Variants in NME7 observed in about 807,000 individuals in gnomAD.
NME7 encodes the protein NME/NM23 family member 7.
In NME7, 41 loss-of-function variants were observed where a neutral mutation model predicts 49.1. The ratio of observed to expected loss-of-function variants is 0.83; its 90% confidence interval spans 0.65 to 1.08. NME7 has a LOEUF of 1.08. Among genes scored for constraint, NME7 ranks in the 50% least tolerant of loss-of-function variants. The probability of loss-of-function intolerance (pLI) is 0.00; values close to 1 mark genes in which losing one functional copy is unlikely to be tolerated. For synonymous variants in NME7, 139 were observed against 150.6 expected (o/e 0.92, Z 0.56); for missense variants, 423 against 463.4 (o/e 0.91, Z 0.80).
At chr1:169,244,552 C>A (rs976218356) in intron 7 of NME7, among the ~76,000 whole-genome samples, 1 of 146,934 alleles carries the variant, frequency 6.8e-6, no homozygotes, top group African/African-American at 2.5e-5. Flanking sequence ...AGGAGGATGG[C>A]GTGAACCTGG....
chr1:169,160,444 A>T (rs12744655), intron 11 of NME7, among the ~76,000 whole-genome samples: 55,731 of 151,800 alleles, frequency 0.37, 10,834 homozygotes, highest in East Asian at 0.73. Context: ...AACTTTGTCT[A>T]CTATCTCTTA....
intron 10 of NME7, among the ~76,000 whole-genome samples, chr1:169,226,873 T>C (rs569788894): frequency 6.6e-6 from 1 of 152,214 alleles, no homozygotes; most frequent in South Asian, 2.1e-4. Flanking sequence ...CTTTCTATAA[T>C]GCTATGAGGA....
At chr1:169,272,738 C>A (rs1488195637) in intron 7 of NME7, among the ~76,000 whole-genome samples, 4 of 131,300 alleles carry the variant, frequency 3.0e-5, no homozygotes, top group African/African-American at 1.0e-4. Flanking sequence ...CTATTGTGAA[C>A]CGTGCTGCAA....
intron 1 of NME7, among the ~76,000 whole-genome samples, chr1:169,362,841 T>G (rs1653708937): frequency 6.6e-6 from 1 of 152,222 alleles, no homozygotes; most frequent in Non-Finnish European, 1.5e-5. Context: ...TAGGCTTTCG[T>G]TAATTCAAAG....
intron 7 of NME7, among the ~76,000 whole-genome samples, chr1:169,255,240 G>C (rs1238283914): frequency 2.9e-5 from 4 of 138,350 alleles, no homozygotes; most frequent in African/African-American, 1.0e-4. Flanking sequence ...TTATGAATCT[G>C]GGTGCTCCTG....
chr1:169,310,352 A>G (rs1187523560), intron 3 of NME7, among the ~76,000 whole-genome samples: 3 of 152,176 alleles, frequency 2.0e-5, no homozygotes, highest in Admixed American at 6.5e-5. Context: ...ATATATCCAA[A>G]TGAGAAAACA....
At chr1:169,303,703 C>T (rs1390192542) in intron 4 of NME7, among the ~76,000 whole-genome samples, 1 of 152,088 alleles carries the variant, frequency 6.6e-6, no homozygotes, top group Non-Finnish European at 1.5e-5. Flanking sequence ...CCACCCACCT[C>T]GGCCTCTCAA....
intron 1 of NME7, among the ~76,000 whole-genome samples, chr1:169,327,091 C>T (rs1365207389): frequency 6.6e-6 from 1 of 152,178 alleles, no homozygotes; most frequent in East Asian, 1.9e-4. Flanking sequence ...AACTACATTT[C>T]CTATGACTCA....
In NME7 at chr1:169,230,652, T is replaced by G. The variant is rs1647571953; in HGVS notation, c.990+66A>C. 4 of 1,082,436 alleles carry G rather than the reference T, an allele frequency of 3.7e-6. No individual in the cohort carries two copies. In the African/African-American group the frequency reaches 6.4e-5, roughly 17 times the overall value. The allele number at this position is 1,082,436 out of a possible 1,614,324, so 67.1% of individuals were successfully genotyped here. A position where few individuals can be genotyped will look rare whatever the true frequency, so the allele number is the denominator to read the frequency against. ...TTTACTTAAAGGAACAAACGAAAAA[T>G]TTTAAACCTGTTAAAATAGTGAATA... On this transcript the variant is annotated intron_variant, in intron 10 of 11. Coordinates refer to ENST00000367811, the MANE Select transcript of NME7 (RefSeq NM_013330.5).
chr1:169,225,578 A>C (rs1647298605), intron 10 of NME7, among the ~76,000 whole-genome samples: 1 of 152,218 alleles, frequency 6.6e-6, no homozygotes, highest in Non-Finnish European at 1.5e-5. Context: ...AGATATTTTA[A>C]ATAAATTATA....
chr1:169,298,975 A>G (rs1307307245), intron 5 of NME7, among the ~76,000 whole-genome samples: 1 of 152,174 alleles, frequency 6.6e-6, no homozygotes, highest in Non-Finnish European at 1.5e-5. Context: ...AATCACTAGT[A>G]ATGTCAAATT....
intron 1 of NME7, among the ~76,000 whole-genome samples, chr1:169,345,244 G>A (rs1652914551): frequency 7.1e-6 from 1 of 141,764 alleles, no homozygotes; most frequent in South Asian, 2.4e-4. Context: ...TCTAACCAAA[G>A]TTTTGCCTAT....
At chr1:169,235,677 C>A (rs1647831830) in intron 8 of NME7, among the ~76,000 whole-genome samples, 1 of 152,016 alleles carries the variant, frequency 6.6e-6, no homozygotes, top group African/African-American at 2.4e-5. Flanking sequence ...AGAAATATTA[C>A]TAAAGAAAAG....
intron 10 of NME7, among the ~76,000 whole-genome samples, chr1:169,214,239 C>T (rs1033519240): frequency 6.6e-6 from 1 of 152,160 alleles, no homozygotes; most frequent in Non-Finnish European, 1.5e-5. Flanking sequence ...GATGAGTAGA[C>T]ATCCAAGAAA....
At chr1:169,356,498 G>GA (rs35009499) in intron 1 of NME7, among the ~76,000 whole-genome samples, 6 of 150,172 alleles carry the variant, frequency 4.0e-5, no homozygotes, top group African/African-American at 7.3e-5. Context: ...TGTAAAACTG[G>GA]AAAAAAAAAG....
chr1:169,195,887 T>C (rs181232026), intron 10 of NME7, among the ~76,000 whole-genome samples: 148 of 130,344 alleles, frequency 1.1e-3, no homozygotes, highest in Middle Eastern at 7.9e-3. Context: ...GTAAATGGTA[T>C]AGTATGTTTA....
chr1:169,133,100 GT>G (rs1658298365), intron 11 of NME7, among the ~76,000 whole-genome samples: 1 of 151,556 alleles, frequency 6.6e-6, no homozygotes, highest in Admixed American at 6.6e-5. Context: ...AAAAAAAAAA[GT>G]TGTTAGCACT....
intron 9 of NME7, among the ~76,000 whole-genome samples, chr1:169,233,548 T>C (rs1236837937): frequency 6.6e-6 from 1 of 152,152 alleles, no homozygotes; most frequent in African/African-American, 2.4e-5. Context: ...AAATAATTTA[T>C]TACAGAATAT....
At chr1:169,183,830 C>G (rs1043107292) in intron 10 of NME7, among the ~76,000 whole-genome samples, 2 of 151,860 alleles carry the variant, frequency 1.3e-5, no homozygotes, top group Non-Finnish European at 2.9e-5. Context: ...AAGAAAAGCC[C>G]TATGTGTACA....
Sources: allele counts gnomAD v4.1 joint callset (sites outside exome capture counted in the v4.1 genomes callset), GRCh38; gene constraint gnomAD v4.1.1; transcripts MANE v1.5; gene names NCBI Gene and HGNC (gene_info 2026-07-23, HGNC 2026-07-21).